PURG: variants seen among roughly 807,000 people sequenced by gnomAD.
PURG encodes the protein purine rich element binding protein G.
In PURG, 3 loss-of-function variants were observed where a neutral mutation model predicts 24.3. That is an observed-to-expected ratio of 0.12 (90% confidence interval 0.06 to 0.32). The LOEUF (loss-of-function observed/expected upper bound fraction) is 0.32, where lower values mean the gene tolerates loss of function less well. Ranked by LOEUF, PURG falls within the 10% of genes least tolerant of loss-of-function variation. PURG has a pLI of 1.00. For missense variants in PURG, 371 were observed against 439.1 expected (o/e 0.84, Z 1.39); for synonymous variants, 180 against 173.1 (o/e 1.04, Z -0.31).
rs1448422526 is a variant in PURG, at chr8:31,032,023, C to T, written c.760G>A (p.Gly254Arg). The change falls in exon 2 of 2, where the codon GGA becomes AGA. Residue 254 changes from glycine to arginine, a missense_variant. Physicochemically the swap from Gly to Arg is moderately radical, Grantham distance 125. Around this residue, in one of 5 missense-constraint regions of PURG, gnomAD observed 103 missense variants for 127.7 expected, o/e 0.81. Transcript: ENST00000523392. The surrounding 1 kb of genome is among the most constrained non-coding windows in gnomAD (Gnocchi z 5.9). Reference protein sequence around the residue: ...GEGDIEERRGGDDDPLELPEG... With the variant: ...GEGDIEERRGRDDDPLELPEG... Reference sequence around the variant, plus strand: ...GGGAGTTCAAGCGGGTCATCGTCTCCACCTCTTCGTTCTTCTATGTCTCCT... The same window carrying T: ...GGGAGTTCAAGCGGGTCATCGTCTCTACCTCTTCGTTCTTCTATGTCTCCT... 2 of 1,614,050 alleles carry T rather than the reference C, an allele frequency of 1.2e-6. No homozygotes were observed. The highest frequency in any genetic ancestry group is 2.7e-5 in the African/African-American group (2 of 74,918).
chr8:31,013,287 G>A (rs369208662), intron 1 of PURG, among the ~76,000 whole-genome samples: 9 of 152,088 alleles, frequency 5.9e-5, no homozygotes, highest in Non-Finnish European at 1.2e-4. Context: ...GTTTAATAAC[G>A]CTTGAAGAAA....
downstream of PURG, among the ~76,000 whole-genome samples, chr8:31,028,928 T>A (rs997371037): frequency 6.6e-6 from 1 of 151,846 alleles, no homozygotes; most frequent in African/African-American, 2.4e-5. Context: ...CATGCTCATT[T>A]TTTAACTTCT....
At chr8:31,026,774 C>T (rs1585368015), downstream of PURG, among the ~76,000 whole-genome samples, 1 of 150,772 alleles carries the variant, frequency 6.6e-6, no homozygotes, top group South Asian at 2.1e-4. Context: ...CCATTTTGTA[C>T]TATATGTATG....
At chr8:31,019,665 G>T (rs1810956657) in intron 1 of PURG, among the ~76,000 whole-genome samples, 1 of 149,186 alleles carries the variant, frequency 6.7e-6, no homozygotes, top group Non-Finnish European at 1.5e-5. Flanking sequence ...TTTGTGAGAT[G>T]GAGTCTCACT....
intron 1 of PURG, among the ~76,000 whole-genome samples, chr8:31,019,111 G>A (rs1474287443): frequency 5.7e-5 from 5 of 87,766 alleles, no homozygotes; most frequent in Non-Finnish European, 9.8e-5. Context: ...GTGACAGAGC[G>A]AGACTCTGTC....
intron 1 of PURG, among the ~76,000 whole-genome samples, chr8:31,001,190 G>C (rs373651512): frequency 6.6e-6 from 1 of 152,074 alleles, no homozygotes; most frequent in African/African-American, 2.4e-5. Context: ...ATACACACAC[G>C]TATTTTCTTG....
chr8:31,013,594 A>G (rs1472436330), intron 1 of PURG, among the ~76,000 whole-genome samples: 1 of 152,158 alleles, frequency 6.6e-6, no homozygotes. Context: ...AAAATTAGCC[A>G]GGCATGGTGG....
chr8:30,996,011 T>A (rs1489801939), exon 2 of PURG: 1 of 152,012 alleles, frequency 6.6e-6, no homozygotes, highest in Non-Finnish European at 1.5e-5. Flanking sequence ...TTAACATGCA[T>A]CACTGAAAAA....
chr8:31,022,886 T>C (rs866952519), intron 1 of PURG, among the ~76,000 whole-genome samples: 5 of 152,214 alleles, frequency 3.3e-5, no homozygotes, highest in African/African-American at 9.6e-5. Flanking sequence ...TGAATTTGGG[T>C]GTCTGTATAT....
At chr8:31,019,279 T>C (rs1239167346) in intron 1 of PURG, among the ~76,000 whole-genome samples, 2 of 144,498 alleles carry the variant, frequency 1.4e-5, no homozygotes, top group African/African-American at 5.1e-5. Context: ...TAAAAATATG[T>C]TAGTTATAGA....
At chr8:31,004,722 C>T (rs986708546) in intron 1 of PURG, among the ~76,000 whole-genome samples, 5 of 152,056 alleles carry the variant, frequency 3.3e-5, no homozygotes, top group Non-Finnish European at 7.4e-5. Flanking sequence ...ATTTTTCAAA[C>T]TAGTTTCTGA....
At position 31,010,516 on chromosome 8, in the gene PURG, CA is replaced by C. The variant is rs961454128; in HGVS notation, c.865-13820del. Among the ~76,000 whole-genome samples the C allele has an allele frequency of 6.3e-4, 96 of 152,174 alleles. 1 individual carries two copies. The highest frequency in any genetic ancestry group is 2.3e-3 in the African/African-American group (95 of 41,544). On this transcript the variant is annotated intron_variant, in intron 1 of 1. Transcript: ENST00000339382. ...GCAACAAAATACCTAGAATGCATTT[CA>C]AAAAAACTCTTTAAATGAGCTATAA...
At chr8:31,007,808 A>G (rs893559309) in intron 1 of PURG, among the ~76,000 whole-genome samples, 1 of 152,226 alleles carries the variant, frequency 6.6e-6, no homozygotes, top group Admixed American at 6.5e-5. Flanking sequence ...TCCCTCAATC[A>G]TGCAAACAGC....
chr8:31,031,954 C>G lies in PURG; in HGVS notation c.829G>C (p.Asp277His). 1 of 1,614,202 alleles carries G rather than the reference C, an allele frequency of 6.2e-7. No homozygotes were observed. Residue 277 changes from aspartate to histidine, a missense_variant, in exon 2 of 2, where the codon GAT becomes CAT. By Grantham distance (81) the Asp-to-His change is moderately conservative. This residue lies in a region of PURG where 103 missense variants were observed against 127.7 expected (regional missense o/e 0.81). Coordinates refer to ENST00000523392, the MANE Select transcript of PURG (RefSeq NM_001323311.2). ...ATTCCATATTTATTAGAGCCCACATCAAAGTAGAACCTTTTATTGTCCACT... is the reference window on the plus strand; with the variant it reads ...ATTCCATATTTATTAGAGCCCACATGAAAGTAGAACCTTTTATTGTCCACT... ...FRVDNKRFYF[D>H]VGSNKYGIFL...
intron 1 of PURG, among the ~76,000 whole-genome samples, chr8:31,011,096 T>C (rs1810751977): frequency 6.6e-6 from 1 of 152,218 alleles, no homozygotes; most frequent in South Asian, 2.1e-4. Flanking sequence ...AGAACACTGA[T>C]GGATTTTTGT....
chr8:31,008,190 A>T (rs1810692221), intron 1 of PURG, among the ~76,000 whole-genome samples: 1 of 152,216 alleles, frequency 6.6e-6, no homozygotes, highest in South Asian at 2.1e-4. Context: ...CTTTCCAGGG[A>T]ACCATCCATT....
At chr8:31,016,551 T>G (rs1196111417) in intron 1 of PURG, among the ~76,000 whole-genome samples, 1 of 87,010 alleles carries the variant, frequency 1.1e-5, no homozygotes, top group Non-Finnish European at 2.2e-5. Context: ...AAAAACGATA[T>G]GGAAGAAAGA....
chr8:31,003,039 T>A (rs1376499201), intron 1 of PURG, among the ~76,000 whole-genome samples: 2 of 152,202 alleles, frequency 1.3e-5, no homozygotes, highest in African/African-American at 4.8e-5. Flanking sequence ...GAGTTGCCCT[T>A]CTGGGTTAAA....
At chr8:31,008,429 G>A (rs193196526) in intron 1 of PURG, among the ~76,000 whole-genome samples, 63 of 152,146 alleles carry the variant, frequency 4.1e-4, no homozygotes, top group Non-Finnish European at 7.8e-4. Context: ...TCAGCCTCCC[G>A]AGTAGCTGGG....
Sources: allele counts gnomAD v4.1 joint callset (sites outside exome capture counted in the v4.1 genomes callset), GRCh38; gene constraint gnomAD v4.1.1; regional missense constraint gnomAD v4.1.1; non-coding constraint Gnocchi (gnomAD v3.1); transcripts MANE v1.5; gene names NCBI Gene and HGNC (gene_info 2026-07-23, HGNC 2026-07-21).